ZNF407: variants seen among roughly 807,000 people sequenced by gnomAD.
The protein encoded by ZNF407 is zinc finger protein 407.
Under a neutral mutation model 131.2 loss-of-function variants are expected in ZNF407, and 17 were observed. The ratio of observed to expected loss-of-function variants is 0.13; its 90% CI spans 0.09 to 0.19. The LOEUF (loss-of-function observed/expected upper bound fraction) is 0.19. Ranked by LOEUF, ZNF407 falls within the 10% of genes least tolerant of loss-of-function variation. The probability of loss-of-function intolerance (pLI) is 1.00; values close to 1 mark genes in which losing one functional copy is unlikely to be tolerated. For missense variants in ZNF407, 2,681 were observed against 2,830.6 expected, an observed-to-expected ratio of 0.95 and a Z score of 1.20; for synonymous variants, 1,156 against 1,062.0, an observed-to-expected ratio of 1.09 and a Z score of -1.72.
chr18:74,768,608 C>T (rs999489424), intron 3 of ZNF407, among the ~76,000 whole-genome samples: 5 of 152,088 alleles, frequency 3.3e-5, no homozygotes, highest in African/African-American at 9.7e-5. Flanking sequence ...TACTGAATTT[C>T]TTGAAATACC....
At chr18:74,818,358 A>G (rs1256200666) in intron 4 of ZNF407, among the ~76,000 whole-genome samples, 1 of 152,142 alleles carries the variant, frequency 6.6e-6, no homozygotes, top group Admixed American at 6.5e-5. Context: ...GGACATGTGG[A>G]TAATTAGGTT....
intron 7 of ZNF407, among the ~76,000 whole-genome samples, chr18:74,900,623 A>T (rs1971511662): frequency 6.6e-6 from 1 of 152,144 alleles, no homozygotes; most frequent in East Asian, 1.9e-4. Flanking sequence ...CTAATTTTAA[A>T]CAATTTTTGC....
chr18:74,932,548 T>A lies in ZNF407; in HGVS notation c.5428+11856T>A, dbSNP rs577190449. On this transcript the variant is annotated intron_variant, in intron 8 of 8. Coordinates refer to ENST00000299687, the MANE Select transcript of ZNF407 (RefSeq NM_017757.3). The stretch of plus-strand genomic sequence containing the variant: ...TTGGCTTGTCACTGGCTCTTCTATG[T>A]CCTGAATGACTTTTGACTTAGCCTG... 2.6e-5 allele frequency among the ~76,000 whole-genome samples: 4 copies of A among 152,312 alleles called. No homozygotes were observed. The East Asian group carries it at 7.7e-4, about 29-fold the overall frequency.
intron 7 of ZNF407, among the ~76,000 whole-genome samples, chr18:74,896,957 CT>C (rs1971461782): frequency 1.3e-5 from 2 of 152,060 alleles, no homozygotes; most frequent in Admixed American, 6.6e-5. Context: ...TGAATTTTAT[CT>C]CATCAGTTCT....
At chr18:74,734,147 G>A (rs1021853763) in intron 3 of ZNF407, among the ~76,000 whole-genome samples, 17 of 152,110 alleles carry the variant, frequency 1.1e-4, no homozygotes, top group African/African-American at 3.9e-4. Context: ...GCTCCGTGAG[G>A]CAACTGGTTC....
intron 8 of ZNF407, among the ~76,000 whole-genome samples, chr18:74,926,403 C>CAT (rs1183041937): frequency 4.6e-5 from 7 of 152,172 alleles, no homozygotes; most frequent in Admixed American, 4.6e-4. Flanking sequence ...TATCAGTAAA[C>CAT]ATACTGTTTA....
chr18:74,852,113 C>G (rs1483299773), intron 4 of ZNF407, among the ~76,000 whole-genome samples: 1 of 152,008 alleles, frequency 6.6e-6, no homozygotes, highest in Non-Finnish European at 1.5e-5. Flanking sequence ...TGAGTCAGGA[C>G]TTTCTGGTCC....
At chr18:74,675,183 T>C (rs1285497213) in intron 3 of ZNF407, among the ~76,000 whole-genome samples, 2 of 152,228 alleles carry the variant, frequency 1.3e-5, no homozygotes, top group East Asian at 1.9e-4. Flanking sequence ...ACTTATGCTT[T>C]CTCTGTCTCT....
Position 74,763,196 on chromosome 18 carries a change from C to CTTTTTTTTTTTTTTTTTTTTTTTTTTT in ZNF407, c.4803-18231_4803-18205dup, listed in dbSNP as rs71170316. On this transcript the variant is annotated intron_variant, in intron 3 of 8. Transcript: ENST00000299687. The stretch of plus-strand genomic sequence containing the variant: ...ATGATTTTGAGCATCTTCTTAGGAC[C>CTTTTTTTTTTTTTTTTTTTTTTTTTTT]TTTTTTTTTTTTTTTTTTTTTTTTT... Among the ~76,000 whole-genome samples the CTTTTTTTTTTTTTTTTTTTTTTTTTTT allele has an allele frequency of 5.6e-4, 10 of 17,784 alleles. 4 individuals are homozygous for CTTTTTTTTTTTTTTTTTTTTTTTTTTT. The highest frequency in any genetic ancestry group is 1.2e-3 in the African/African-American group (8 of 6,616). The allele number at this position is 17,784 out of a possible 152,430, so 11.7% of individuals were successfully genotyped here.
intron 4 of ZNF407, among the ~76,000 whole-genome samples, chr18:74,852,016 G>A (rs557289325): frequency 1.2e-4 from 19 of 152,184 alleles, no homozygotes; most frequent in South Asian, 4.1e-4. Flanking sequence ...CAGTGGTTGG[G>A]TCATAGAGGC....
chr18:74,628,073 G>A (rs1221694353), intron 1 of ZNF407, among the ~76,000 whole-genome samples: 1 of 151,888 alleles, frequency 6.6e-6, no homozygotes, highest in Non-Finnish European at 1.5e-5. Flanking sequence ...TATTTGACCA[G>A]AGATGTTTTT....
At chr18:75,044,503 T>C (rs190860711) in intron 8 of ZNF407, among the ~76,000 whole-genome samples, 2 of 152,268 alleles carry the variant, frequency 1.3e-5, no homozygotes, top group African/African-American at 2.4e-5. Context: ...ACTGATGTAG[T>C]GTTTGCTTTT....
At position 75,051,384 on chromosome 18, in the gene ZNF407, A is replaced by G. The variant is rs575080378; in HGVS notation, c.5429-11766A>G. On this transcript the variant is annotated intron_variant, in intron 8 of 8. Coordinates refer to ENST00000299687, the MANE Select transcript of ZNF407 (RefSeq NM_017757.3). Reference sequence around the variant, plus strand: ...CTCACTTACGGAACCTAAAAATTCTACTAGTAGTCATGCAACTGATTATCA... The same window carrying G: ...CTCACTTACGGAACCTAAAAATTCTGCTAGTAGTCATGCAACTGATTATCA... 9.2e-5 allele frequency among the ~76,000 whole-genome samples: 14 copies of G among 152,302 alleles called. No individual in the cohort carries two copies. The East Asian group carries it at 2.7e-3, about 29-fold the overall frequency.
At chr18:74,621,588 C>T (rs1983512663) in intron 1 of ZNF407, among the ~76,000 whole-genome samples, 1 of 152,122 alleles carries the variant, frequency 6.6e-6, no homozygotes, top group Non-Finnish European at 1.5e-5. Context: ...GCTTAAATGT[C>T]CCTGCTACAT....
At chr18:74,722,213 C>A (rs544010107) in intron 3 of ZNF407, among the ~76,000 whole-genome samples, 22 of 151,996 alleles carry the variant, frequency 1.4e-4, no homozygotes, top group African/African-American at 4.8e-4. Context: ...CTACTGCTTT[C>A]CGTATTTCTC....
chr18:74,813,150 G>T (rs563172903), intron 4 of ZNF407, among the ~76,000 whole-genome samples: 28 of 152,308 alleles, frequency 1.8e-4, no homozygotes, highest in African/African-American at 6.7e-4. Flanking sequence ...AGGAGTGGTT[G>T]CCTTGTCCAC....
At chr18:74,826,356 T>C (rs1453923141) in intron 4 of ZNF407, among the ~76,000 whole-genome samples, 3 of 152,204 alleles carry the variant, frequency 2.0e-5, no homozygotes, top group Non-Finnish European at 4.4e-5. Flanking sequence ...TTTTATTTCA[T>C]TTATCTCAGT....
intron 3 of ZNF407, among the ~76,000 whole-genome samples, chr18:74,776,192 C>T (rs771084884): frequency 5.3e-5 from 8 of 152,198 alleles, no homozygotes; most frequent in Non-Finnish European, 1.0e-4. Context: ...CTGTTTGCCC[C>T]TTCTGCCTTG....
intron 8 of ZNF407, among the ~76,000 whole-genome samples, chr18:74,991,090 A>G (rs1392037018): frequency 6.6e-6 from 1 of 152,240 alleles, no homozygotes; most frequent in African/African-American, 2.4e-5. Flanking sequence ...TTACTTGCAC[A>G]TTGAATTTTC....
Sources: gnomAD v4.1 joint callset for allele counts (sites outside exome capture counted in the v4.1 genomes callset) on GRCh38, gnomAD v4.1.1 for gene constraint, MANE v1.5 for transcripts, NCBI Gene and HGNC (gene_info 2026-07-23, HGNC 2026-07-21) for gene names.